The following TBL1XR1 variants were observed in gnomAD, a reference collection of about 807,000 sequenced individuals.
TBL1XR1 encodes TBL1X/Y related 1.
In TBL1XR1, 5 loss-of-function variants were observed where a neutral mutation model predicts 66.9. The ratio of observed to expected loss-of-function variants is 0.07; its 90% CI spans 0.04 to 0.16. TBL1XR1 has a LOEUF of 0.16. Among genes scored for constraint, TBL1XR1 ranks in the 10% least tolerant of loss-of-function variants. The pLI, the probability that TBL1XR1 is intolerant of heterozygous loss-of-function variation, is 1.00. For synonymous variants in TBL1XR1, 210 were observed against 206.0 expected (o/e 1.02, Z -0.17); for missense variants, 238 against 623.2 (o/e 0.38, Z 6.58).
At chr3:177,094,752 A>C (rs1221783743) in intron 2 of TBL1XR1, among the ~76,000 whole-genome samples, 2 of 152,174 alleles carry the variant, frequency 1.3e-5, no homozygotes, top group Non-Finnish European at 2.9e-5. Context: ...CTCACTCATA[A>C]GTGAGAGCGA....
At chr3:177,092,719 G>GA (rs11399492) in intron 2 of TBL1XR1, among the ~76,000 whole-genome samples, 49,946 of 147,148 alleles carry the variant, frequency 0.34, 8,526 homozygotes, top group East Asian at 0.54. Context: ...GTTTTTCAAG[G>GA]AAAAAAAAAA....
intron 2 of TBL1XR1, among the ~76,000 whole-genome samples, chr3:177,084,691 A>G (rs1426705287): frequency 6.6e-6 from 1 of 152,134 alleles, no homozygotes; most frequent in Non-Finnish European, 1.5e-5. Flanking sequence ...GCTGGACCCC[A>G]TTACTCTGCA....
At chr3:177,148,075 A>C (rs887831908) in intron 1 of TBL1XR1, among the ~76,000 whole-genome samples, 11 of 152,242 alleles carry the variant, frequency 7.2e-5, no homozygotes, top group African/African-American at 2.2e-4. Context: ...GCTACCATGG[A>C]AACAAGTCCG....
At chr3:177,188,664 G>A (rs549633620) in intron 1 of TBL1XR1, among the ~76,000 whole-genome samples, 41 of 152,256 alleles carry the variant, frequency 2.7e-4, no homozygotes, top group African/African-American at 9.6e-4. Context: ...AAAATAGGTG[G>A]CAAACTTCAC....
At chr3:177,131,613 T>A (rs1477678206) in intron 1 of TBL1XR1, among the ~76,000 whole-genome samples, 1 of 150,712 alleles carries the variant, frequency 6.6e-6, no homozygotes, top group East Asian at 2.0e-4. Flanking sequence ...CAGGTTCAAG[T>A]GATTCTCCCG....
At chr3:177,194,903 C>G (rs904450500) in intron 1 of TBL1XR1, among the ~76,000 whole-genome samples, 2 of 152,180 alleles carry the variant, frequency 1.3e-5, no homozygotes, top group South Asian at 2.1e-4. Flanking sequence ...AGGGGTCACT[C>G]CATTTACCAC....
At chr3:177,179,309 C>G (rs1323270113) in intron 1 of TBL1XR1, among the ~76,000 whole-genome samples, 4 of 152,096 alleles carry the variant, frequency 2.6e-5, no homozygotes, top group Non-Finnish European at 5.9e-5. Context: ...CTATTGTTAC[C>G]TGATGCAAAA....
chr3:177,068,543 C>T (rs553034271), intron 2 of TBL1XR1, among the ~76,000 whole-genome samples: 3 of 152,318 alleles, frequency 2.0e-5, no homozygotes, highest in South Asian at 2.1e-4. Flanking sequence ...AATCCAGCTA[C>T]GACTATTCAG....
At position 177,033,085 on chromosome 3, in the gene TBL1XR1, G is replaced by A. The variant is rs752151434; in HGVS notation, c.1302C>T (p.Cys434=). Residue 434 remains cysteine, a synonymous_variant, in exon 14 of 16, where the codon TGC becomes TGT. Transcript: ENST00000457928. ...CTTGGTGTTTTGTCAAGGTATGGAT[G>A]CATATCCCTCGGTCTACATCCCATA... ...VRLWDVDRGI[C]IHTLTKHQEP... is the part of the protein sequence containing the mutation. The A allele has an allele frequency of 4.4e-6, 7 of 1,604,768 alleles. No individual in the cohort carries two copies. The highest frequency in any genetic ancestry group is 2.7e-5 in the African/African-American group (2 of 74,758).
chr3:177,154,482 T>C (rs1016547238), intron 1 of TBL1XR1, among the ~76,000 whole-genome samples: 1 of 152,094 alleles, frequency 6.6e-6, no homozygotes. Context: ...CTGCAACTTG[T>C]ACCTCCCAGG....
chr3:177,074,403 C>A (rs550655063), intron 2 of TBL1XR1, among the ~76,000 whole-genome samples: 1 of 152,294 alleles, frequency 6.6e-6, no homozygotes, highest in South Asian at 2.1e-4. Flanking sequence ...CCATGATCAA[C>A]CTCTTTACCA....
intron 1 of TBL1XR1, among the ~76,000 whole-genome samples, chr3:177,100,005 G>A (rs1179639357): frequency 6.6e-5 from 10 of 152,224 alleles, no homozygotes; most frequent in Admixed American, 6.5e-4. Flanking sequence ...ACTTCGGGAA[G>A]CCGAGGCGGG....
intron 12 of TBL1XR1, 64 bp from the exon 13 acceptor site, chr3:177,034,389 T>C (rs1714466533): frequency 1.7e-6 from 2 of 1,196,852 alleles, no homozygotes; most frequent in Non-Finnish European, 2.2e-6. Flanking sequence ...TAAAATATTA[T>C]TTTGACACTT....
At chr3:177,052,203 G>C (rs368224066) in intron 4 of TBL1XR1, among the ~76,000 whole-genome samples, 3 of 152,144 alleles carry the variant, frequency 2.0e-5, no homozygotes, top group East Asian at 1.9e-4. Context: ...AGACTTCATG[G>C]GGCTATAGTG....
At chr3:177,139,466 T>C (rs561862900) in intron 1 of TBL1XR1, among the ~76,000 whole-genome samples, 4 of 150,238 alleles carry the variant, frequency 2.7e-5, no homozygotes, top group South Asian at 4.2e-4. Flanking sequence ...ACTCAGGAAG[T>C]AGAGGTTGCA....
intron 1 of TBL1XR1, among the ~76,000 whole-genome samples, chr3:177,109,474 C>T (rs965784743): frequency 6.6e-6 from 1 of 151,728 alleles, no homozygotes; most frequent in South Asian, 2.1e-4. Context: ...CAGTAGACAA[C>T]AGAACTATGG....
intron 5 of TBL1XR1, 49 bp from the exon 6 acceptor site, chr3:177,050,659 C>T: frequency 6.2e-7 from 1 of 1,606,434 alleles, no homozygotes; most frequent in Non-Finnish European, 8.5e-7. Context: ...AGTATTACAA[C>T]ATGGTGGATG....
intron 1 of TBL1XR1, among the ~76,000 whole-genome samples, chr3:177,153,120 G>C (rs1731090542): frequency 6.6e-6 from 1 of 152,070 alleles, no homozygotes; most frequent in African/African-American, 2.4e-5. Flanking sequence ...GGGCAACAGA[G>C]TGAAATAGTG....
rs540324971 is a variant in TBL1XR1, at chr3:177,155,022, G to C, written c.-122+42099C>G. 2.0e-5 allele frequency among the ~76,000 whole-genome samples: 3 copies of C among 152,078 alleles called. No individual in the cohort carries two copies. The East Asian group carries it at 5.8e-4, about 29-fold the overall frequency. On this transcript the variant is annotated intron_variant, in intron 1 of 15. Transcript: ENST00000457928. Reference sequence around the variant, plus strand: ...AAACATATTCCTAAAGTAAACAAAGGCTCAAAGAAGAAATCACAATGAAAA... The same window carrying C: ...AAACATATTCCTAAAGTAAACAAAGCCTCAAAGAAGAAATCACAATGAAAA...
Sources: gnomAD v4.1 joint callset for allele counts (sites outside exome capture counted in the v4.1 genomes callset) on GRCh38, gnomAD v4.1.1 for gene constraint, MANE v1.5 for transcripts, NCBI Gene and HGNC (gene_info 2026-07-23, HGNC 2026-07-21) for gene names.